ALOX5: variants seen among roughly 807,000 people sequenced by gnomAD.
The protein encoded by ALOX5 is arachidonate 5-lipoxygenase.
Under a neutral mutation model 87.9 loss-of-function variants are expected in ALOX5, and 64 were observed. The observed-to-expected ratio is 0.73, with a 90% CI of 0.60 to 0.90. The LOEUF is 0.90. ALOX5 is among the 40% of genes least tolerant of loss of function. ALOX5 has a pLI of 0.00. For missense variants in ALOX5, 822 were observed against 907.5 expected, an observed-to-expected ratio of 0.91 and a Z score of 1.21; for synonymous variants, 388 against 355.1, an observed-to-expected ratio of 1.09 and a Z score of -1.04.
chr10:45,409,167 A>G (rs895529515), intron 3 of ALOX5, among the ~76,000 whole-genome samples: 2 of 152,134 alleles, frequency 1.3e-5, no homozygotes, highest in African/African-American at 4.8e-5. Context: ...GCCATCACCA[A>G]TCTGGCTGTT....
intron 1 of ALOX5, among the ~76,000 whole-genome samples, chr10:45,378,771 C>T (rs1839722110): frequency 6.6e-6 from 1 of 152,288 alleles, no homozygotes; most frequent in Non-Finnish European, 1.5e-5. Flanking sequence ...AAGGCTGGAG[C>T]CCTCTGCCCC....
rs747477089 is a variant in ALOX5, at chr10:45,425,009, C to T, written c.711C>T (p.Phe237=). The change falls in exon 6 of 14, where the codon TTC becomes TTT. Residue 237 remains phenylalanine, a synonymous_variant. Transcript: ENST00000374391. The surrounding 1 kb of genome is among the most constrained non-coding windows in gnomAD (Gnocchi z 4.4). ...WQEDLMFGYQ[F]LNGCNPVLIR... ...AAGACCTGATGTTTGGCTACCAGTT[C>T]CTGAATGGCTGCAACCCTGTGTTGA... 14 of 1,614,220 alleles carry T rather than the reference C, an allele frequency of 8.7e-6. No homozygotes were observed. The highest frequency in any genetic ancestry group is 1.7e-5 in the Admixed American group (1 of 60,030).
intron 12 of ALOX5, 101 bp from the exon 13 acceptor site, chr10:45,444,015 G>A (rs1842345162): frequency 6.9e-7 from 1 of 1,446,132 alleles, no homozygotes; most frequent in African/African-American, 1.4e-5. Context: ...CGGACTGCAG[G>A]GCCCGCTGGA....
intron 2 of ALOX5, among the ~76,000 whole-genome samples, chr10:45,386,300 CAAA>C (rs56924533): frequency 1.6e-5 from 2 of 124,490 alleles, no homozygotes; most frequent in Non-Finnish European, 1.8e-5. Context: ...GACTCTGTCT[CAAA>C]AAAAAAAAAA....
chr10:45,400,830 G>A (rs1021029867), intron 3 of ALOX5, among the ~76,000 whole-genome samples: 5 of 152,276 alleles, frequency 3.3e-5, no homozygotes, highest in African/African-American at 7.2e-5. Context: ...TAATGGGTTC[G>A]AGGTGTCCTC....
rs184477413 is a variant in ALOX5 at position 45,430,807 on chromosome 10, G to T, written c.981+2043G>T. On this transcript the variant is annotated intron_variant, in intron 7 of 13. Transcript: ENST00000374391. ...TGGAAACAGACCTACACAGCGAGCA[G>T]CTGAGTCTCACCCAGCCACTAGACA... is the stretch of plus-strand genomic sequence containing the variant. Among the ~76,000 whole-genome samples, 14 of 152,260 alleles carry T rather than the reference G, an allele frequency of 9.2e-5. No individual in the cohort carries two copies. The East Asian group carries it at 2.5e-3, about 28-fold the overall frequency.
intron 4 of ALOX5, among the ~76,000 whole-genome samples, chr10:45,412,526 A>C (rs566013274): frequency 1.7e-4 from 26 of 152,350 alleles, no homozygotes; most frequent in African/African-American, 6.0e-4. Flanking sequence ...AGAGGACTCC[A>C]GACACCAGAC....
chr10:45,418,625 C>CT (rs534110669), intron 4 of ALOX5, among the ~76,000 whole-genome samples: 171 of 152,284 alleles, frequency 1.1e-3, no homozygotes, highest in African/African-American at 4.0e-3. Context: ...CGGGGGCCAT[C>CT]TGACCAGGTC....
rs757919912 is a variant in ALOX5 at position 45,443,457 on chromosome 10, A to G, written c.1493A>G (p.Gln498Arg). Residue 498 changes from glutamine (Q) to arginine (R), a missense_variant, in exon 11 of 14, where the codon CAG becomes CGG. Gln to Arg is a conservative substitution (Grantham distance 43). Coordinates refer to ENST00000374391, the MANE Select transcript of ALOX5 (RefSeq NM_000698.5). ...GTAGACATCTACTACGAGGGCGACC[A>G]GGTGGTGGAGGAGGACCCGGAGCTG... ...EVVDIYYEGD[Q>R]VVEEDPELQD... is the part of the protein sequence containing the mutation. The G allele has an allele frequency of 1.2e-6, 2 of 1,612,380 alleles. No individual in the cohort carries two copies. The highest frequency in any genetic ancestry group is 3.3e-5 in the Admixed American group (2 of 59,832).
intron 5 of ALOX5, 38 bp downstream of exon 5, chr10:45,424,185 CAG>C (rs768993639): frequency 2.6e-6 from 4 of 1,518,060 alleles, no homozygotes; most frequent in Non-Finnish European, 3.7e-6. Context: ...GTGCTGGGGA[CAG>C]GGGATGCTGC....
rs186565033 is a variant in ALOX5 at position 45,432,849 on chromosome 10, C to T, written c.981+4085C>T. ...ATGTTTTAAAACTTGAGTGATAAAC[C>T]ATAAACAAAGCCAAAAAGCAAAACA... On this transcript the variant is annotated intron_variant, in intron 7 of 13. Coordinates refer to ENST00000374391, the MANE Select transcript of ALOX5 (RefSeq NM_000698.5). Among the ~76,000 whole-genome samples the T allele has an allele frequency of 1.3e-3, 198 of 152,232 alleles. 1 individual carries two copies. Among genetic ancestry groups the T allele is most frequent in the Non-Finnish European group, 1.8e-3 (124 of 68,022 alleles).
chr10:45,410,917 TAAAG>T (rs1841040247), intron 3 of ALOX5, among the ~76,000 whole-genome samples: 1 of 152,098 alleles, frequency 6.6e-6, no homozygotes, highest in South Asian at 2.1e-4. Flanking sequence ...AGTAAAGCAA[TAAAG>T]AAAGGCTACT....
intron 3 of ALOX5, among the ~76,000 whole-genome samples, chr10:45,403,104 G>A (rs1210833838): frequency 2.0e-5 from 3 of 152,188 alleles, no homozygotes; most frequent in South Asian, 2.1e-4. Flanking sequence ...TCATAAAACT[G>A]AAGCTACATT....
At chr10:45,377,866 C>T (rs777356956) in intron 1 of ALOX5, among the ~76,000 whole-genome samples, 11 of 152,138 alleles carry the variant, frequency 7.2e-5, no homozygotes, top group African/African-American at 1.4e-4. Context: ...GACTCTTTGC[C>T]GAAATATTCA....
chr10:45,443,557 T>A lies in ALOX5; in HGVS notation c.1573+20T>A. The A allele has an allele frequency of 1.2e-6, 2 of 1,604,310 alleles. No individual in the cohort carries two copies. The highest frequency in any genetic ancestry group is 1.7e-6 in the Non-Finnish European group (2 of 1,173,848). On this transcript the variant is annotated intron_variant, in intron 11 of 13. Transcript: ENST00000374391. ...CCTCAGGTAGGGCCTCCGGGACGTCTCCGGACCCGGCTCCCCCGCAGTCGG... is the reference window on the plus strand; with the variant it reads ...CCTCAGGTAGGGCCTCCGGGACGTCACCGGACCCGGCTCCCCCGCAGTCGG...
chr10:45,412,969 C>T (rs1466874850), intron 4 of ALOX5, among the ~76,000 whole-genome samples: 1 of 152,206 alleles, frequency 6.6e-6, no homozygotes, highest in Non-Finnish European at 1.5e-5. Flanking sequence ...TATCCCAGGA[C>T]TACTGAGTGT....
chr10:45,378,156 C>G (rs1013671120), intron 1 of ALOX5, among the ~76,000 whole-genome samples: 1 of 151,410 alleles, frequency 6.6e-6, no homozygotes, highest in Non-Finnish European at 1.5e-5. Context: ...TCTGATCAGC[C>G]CCTAAAAGCT....
intron 7 of ALOX5, among the ~76,000 whole-genome samples, chr10:45,433,885 G>A (rs1841986321): frequency 6.6e-6 from 1 of 152,226 alleles, no homozygotes; most frequent in Non-Finnish European, 1.5e-5. Context: ...AGGTCTCTGT[G>A]CCAGTGGATC....
chr10:45,442,927 G>A (rs1184879300), intron 9 of ALOX5, 111 bp from the exon 10 acceptor site: 2 of 1,163,260 alleles, frequency 1.7e-6, no homozygotes, highest in African/African-American at 1.5e-5. Flanking sequence ...ACAAGGGCTT[G>A]CACCTCTGCC....
Sources: allele counts gnomAD v4.1 joint callset (sites outside exome capture counted in the v4.1 genomes callset), GRCh38; gene constraint gnomAD v4.1.1; non-coding constraint Gnocchi (gnomAD v3.1); transcripts MANE v1.5; gene names NCBI Gene and HGNC (gene_info 2026-07-23, HGNC 2026-07-21).